CCDC47: variants seen among roughly 807,000 people sequenced by gnomAD.
CCDC47 encodes PAT complex subunit CCDC47.
In CCDC47, 41 loss-of-function variants were observed where a neutral mutation model predicts 60.5. The observed-to-expected ratio is 0.68, with a 90% CI of 0.53 to 0.88. CCDC47 has a LOEUF of 0.88. Ranked by LOEUF, CCDC47 falls within the 40% of genes least tolerant of loss-of-function variation. CCDC47 has a pLI of 0.00. For synonymous variants in CCDC47, 195 were observed against 190.7 expected (o/e 1.02, Z -0.18); for missense variants, 513 against 580.9 (o/e 0.88, Z 1.20).
intron 2 of CCDC47, 153 bp from the exon 3 acceptor site, chr17:63,765,000 C>A (rs1008349471): frequency 2.2e-5 from 22 of 984,484 alleles, no homozygotes; most frequent in Non-Finnish European, 2.4e-5. Flanking sequence ...CGATTGGGTA[C>A]AAATTTCAGC....
At chr17:63,747,043 A>C in intron 12 of CCDC47, 82 bp from the exon 13 acceptor site, 1 of 1,548,460 alleles carries the variant, frequency 6.5e-7, no homozygotes. Flanking sequence ...ATGTTAAAAA[A>C]AAATCCAAAT....
chr17:63,753,030 G>T, intron 9 of CCDC47: 1 of 637,328 alleles, frequency 1.6e-6, no homozygotes, highest in Non-Finnish European at 2.0e-6. Context: ...AACACCTCCA[G>T]TGATGTTCCC....
chr17:63,754,962 G>T (rs1160624675), intron 8 of CCDC47, among the ~76,000 whole-genome samples: 1 of 151,382 alleles, frequency 6.6e-6, no homozygotes, highest in Non-Finnish European at 1.5e-5. Flanking sequence ...AGACCAAAGC[G>T]TGTTCATTGC....
chr17:63,760,609 T>C (rs1343848861), intron 6 of CCDC47, among the ~76,000 whole-genome samples: 2 of 151,540 alleles, frequency 1.3e-5, no homozygotes, highest in Middle Eastern at 3.4e-3. Context: ...GAGGCCAGAG[T>C]GGATGGATCA....
intron 1 of CCDC47, among the ~76,000 whole-genome samples, chr17:63,770,860 C>T (rs1370975871): frequency 3.3e-5 from 5 of 151,414 alleles, no homozygotes; most frequent in Admixed American, 1.3e-4. Flanking sequence ...TGGTGGCACA[C>T]ACCTGTAATC....
Position 63,756,262 on chromosome 17 carries a change from G to A in CCDC47, c.926C>T (p.Thr309Ile), listed in dbSNP as rs756417631. 8 of 1,613,824 alleles carry A rather than the reference G, an allele frequency of 5.0e-6. No homozygotes were observed. The East Asian group carries it at 6.7e-5, about 13-fold the overall frequency. ...TACCTTTGTATCCATCATTCCGTCTGTGACTTCTCCCATCTCTGACAGGAT... is the reference window on the plus strand; with the variant it reads ...TACCTTTGTATCCATCATTCCGTCTATGACTTCTCCCATCTCTGACAGGAT... ...LAILSEMGEV[T>I]DGMMDTKMVH... Residue 309 changes from threonine to isoleucine, a missense_variant, in exon 8 of 13, where the codon ACA becomes ATA. Coordinates refer to ENST00000225726, the MANE Select transcript of CCDC47 (RefSeq NM_020198.3).
At chr17:63,752,223 C>A in intron 11 of CCDC47, 97 bp downstream of exon 11, 1 of 1,441,380 alleles carries the variant, frequency 6.9e-7, no homozygotes. Context: ...AATCAACTAG[C>A]AAAAATTCAG....
chr17:63,756,381 T>C (rs375896941), intron 7 of CCDC47, 31 bp from the exon 8 acceptor site: 11 of 1,594,660 alleles, frequency 6.9e-6, no homozygotes, highest in Non-Finnish European at 8.6e-6. Flanking sequence ...AAGTAAGATA[T>C]GACCTTTTAT....
At chr17:63,747,637 T>C in intron 12 of CCDC47, 1 of 985,396 alleles carries the variant, frequency 1.0e-6, no homozygotes, top group Non-Finnish European at 1.2e-6. Flanking sequence ...TGGTCACACC[T>C]GATTAAAAGT....
intron 6 of CCDC47, among the ~76,000 whole-genome samples, chr17:63,756,792 T>C (rs1324322358): frequency 2.0e-5 from 3 of 152,194 alleles, no homozygotes; most frequent in Non-Finnish European, 4.4e-5. Flanking sequence ...GGACATTATC[T>C]TGGGTGTATC....
intron 1 of CCDC47, 25 bp downstream of exon 1, chr17:63,773,387 G>A (rs1250621793): frequency 6.6e-6 from 1 of 152,232 alleles, no homozygotes; most frequent in African/African-American, 2.4e-5. Context: ...CCACGCCGAC[G>A]AGCGCGTCCT....
intron 9 of CCDC47, chr17:63,753,101 T>G (rs534109651): frequency 2.8e-6 from 1 of 358,508 alleles, no homozygotes; most frequent in Admixed American, 6.4e-5. Flanking sequence ...TATTTAAGTA[T>G]GAGGCCCATA....
chr17:63,768,563 G>A (rs1350061417), intron 1 of CCDC47, among the ~76,000 whole-genome samples: 1 of 152,062 alleles, frequency 6.6e-6, no homozygotes. Flanking sequence ...GGTGGCATGT[G>A]CCTGTAGTCC....
chr17:63,764,496 T>C (rs1781566429), intron 3 of CCDC47, among the ~76,000 whole-genome samples: 1 of 152,150 alleles, frequency 6.6e-6, no homozygotes, highest in South Asian at 2.1e-4. Context: ...AAATTTTACT[T>C]ATTCCCTGAT....
intron 12 of CCDC47, among the ~76,000 whole-genome samples, chr17:63,748,995 CAG>C (rs1238314426): frequency 7.4e-6 from 1 of 134,364 alleles, no homozygotes; most frequent in Non-Finnish European, 1.6e-5. Context: ...GCCTGGGCGA[CAG>C]AGTGAGTTTG....
intron 6 of CCDC47, among the ~76,000 whole-genome samples, chr17:63,759,925 G>A (rs534193415): frequency 1.3e-5 from 2 of 151,686 alleles, no homozygotes; most frequent in East Asian, 3.9e-4. Context: ...TTGGCTGGGA[G>A]TGGTGGCGGA....
intron 1 of CCDC47, among the ~76,000 whole-genome samples, chr17:63,771,814 G>A (rs1443454756): frequency 6.6e-6 from 1 of 152,128 alleles, no homozygotes; most frequent in Non-Finnish European, 1.5e-5. Flanking sequence ...AGGCGTGGTG[G>A]TCCACGTCTG....
chr17:63,756,221 T>C lies in CCDC47; in HGVS notation c.948+19A>G, dbSNP rs1443016177. 1.3e-6 allele frequency: 2 copies of C among 1,548,666 alleles called. No individual in the cohort carries two copies. Among genetic ancestry groups the C allele is most frequent in the Non-Finnish European group, 1.8e-6 (2 of 1,120,362 alleles). On this transcript the variant is annotated intron_variant, in intron 8 of 12. Transcript: ENST00000225726. ...TAAATGCCAAGGCCTGGCAAATGTA[T>C]GTCTTCTGTCGCATTTACCTTTGTA...
At chr17:63,756,431 A>G in intron 7 of CCDC47, 38 bp downstream of exon 7, 5 of 1,580,264 alleles carry the variant, frequency 3.2e-6, no homozygotes, top group Non-Finnish European at 3.5e-6. Context: ...AAGGAGACAC[A>G]GTTCTACGTA....
Sources: allele counts gnomAD v4.1 joint callset (sites outside exome capture counted in the v4.1 genomes callset), GRCh38; gene constraint gnomAD v4.1.1; transcripts MANE v1.5; gene names NCBI Gene and HGNC (gene_info 2026-07-23, HGNC 2026-07-21).